The following LNPEP variants were observed in gnomAD, a reference collection of about 807,000 sequenced individuals.
LNPEP encodes the protein leucyl and cystinyl aminopeptidase, also known as leucyl-cystinyl aminopeptidase.
A neutral mutation model predicts 120.6 loss-of-function variants in LNPEP; 64 were observed. The ratio of observed to expected loss-of-function variants is 0.53; its 90% CI spans 0.43 to 0.65. The LOEUF (loss-of-function observed/expected upper bound fraction) is 0.65. Among genes scored for constraint, LNPEP ranks in the 30% least tolerant of loss-of-function variants. The pLI is 0.00. For synonymous variants in LNPEP, 435 were observed against 425.4 expected (o/e 1.02, Z -0.28); for missense variants, 1,057 against 1,200.0 (o/e 0.88, Z 1.76).
At chr5:96,943,152 C>A in intron 1 of LNPEP, 1 of 517,930 alleles carries the variant, frequency 1.9e-6, no homozygotes, top group Non-Finnish European at 2.8e-6. Context: ...ATTATTGAGC[C>A]AGGAGTTGAG....
Position 97,028,689 on chromosome 5 carries a change from T to C in LNPEP, c.*156T>C, listed in dbSNP as rs932863258. ...GCTCAGGGCCTGACTGTATTTTTCA[T>C]CCATCTTTTCTGAAGTGTCTTTGGG... On this transcript the variant is annotated 3_prime_UTR_variant, in exon 18 of 18. Coordinates refer to ENST00000231368, the MANE Select transcript of LNPEP (RefSeq NM_005575.3). 7.4e-6 allele frequency: 5 copies of C among 676,988 alleles called. No individual in the cohort carries two copies. The African/African-American group carries it at 9.0e-5, about 12-fold the overall frequency. The allele number at this position is 676,988 out of a possible 1,614,324, so 41.9% of individuals were successfully genotyped here.
At chr5:96,953,179 A>G (rs1307037460) in intron 1 of LNPEP, among the ~76,000 whole-genome samples, 1 of 152,200 alleles carries the variant, frequency 6.6e-6, no homozygotes, top group Non-Finnish European at 1.5e-5. Flanking sequence ...TGTAATTTCC[A>G]TTTGGCTGGC....
At chr5:97,023,290 G>A (rs1337211141) in intron 14 of LNPEP, among the ~76,000 whole-genome samples, 2 of 151,566 alleles carry the variant, frequency 1.3e-5, no homozygotes, top group African/African-American at 4.9e-5. Context: ...GTCTTGCTCT[G>A]TCACCCAGGC....
At position 97,022,874 on chromosome 5, in the gene LNPEP, G is replaced by A. The variant is rs887816969; in HGVS notation, c.2561+390G>A. 2.1e-5 allele frequency among the ~76,000 whole-genome samples: 3 copies of A among 143,838 alleles called. No homozygotes were observed. The Admixed American group carries it at 2.2e-4, about 11-fold the overall frequency. 94.4% of individuals were successfully genotyped at this position (143,838 alleles called of 152,430 possible). A position where few individuals can be genotyped will look rare whatever the true frequency, so the allele number is the denominator to read the frequency against. On this transcript the variant is annotated intron_variant, in intron 14 of 17. Coordinates refer to ENST00000231368, the MANE Select transcript of LNPEP (RefSeq NM_005575.3). Reference sequence around the variant, plus strand: ...CATTGTTCAATTCCCACCTATGAGTGAGAACATGCGGTGTCAAACAAGACT... The same window carrying A: ...CATTGTTCAATTCCCACCTATGAGTAAGAACATGCGGTGTCAAACAAGACT...
At chr5:96,951,902 C>T (rs535187752) in intron 1 of LNPEP, among the ~76,000 whole-genome samples, 3 of 152,180 alleles carry the variant, frequency 2.0e-5, no homozygotes, top group South Asian at 4.1e-4. Flanking sequence ...ACTAAACTTG[C>T]ATGTTTGGAT....
chr5:96,980,613 C>T (rs1790099642), intron 2 of LNPEP, among the ~76,000 whole-genome samples: 1 of 152,144 alleles, frequency 6.6e-6, no homozygotes, highest in South Asian at 2.1e-4. Context: ...TCTTAGCATT[C>T]ATAGCATGTA....
intron 6 of LNPEP, 38 bp downstream of exon 6, chr5:96,994,009 G>T: frequency 6.3e-7 from 1 of 1,581,628 alleles, no homozygotes. Flanking sequence ...CACACCTGTG[G>T]TCTACTTCAT....
At chr5:97,009,991 A>T (rs1790886640) in intron 11 of LNPEP, among the ~76,000 whole-genome samples, 2 of 152,054 alleles carry the variant, frequency 1.3e-5, no homozygotes, top group South Asian at 4.1e-4. Flanking sequence ...CATGTGTTCT[A>T]ATTCAAGGGT....
intron 1 of LNPEP, among the ~76,000 whole-genome samples, chr5:96,976,005 T>C (rs1472467529): frequency 6.6e-6 from 1 of 152,126 alleles, no homozygotes; most frequent in Admixed American, 6.6e-5. Flanking sequence ...ATTTAAGAGG[T>C]TTTAGAAAAT....
intron 8 of LNPEP, 119 bp downstream of exon 8, chr5:96,998,264 G>A (rs1338850703): frequency 2.5e-6 from 2 of 802,160 alleles, no homozygotes; most frequent in Non-Finnish European, 3.8e-6. Flanking sequence ...GGTATTAATG[G>A]TAAACTATAA....
At chr5:96,971,777 C>T (rs1789869149) in intron 1 of LNPEP, among the ~76,000 whole-genome samples, 1 of 151,784 alleles carries the variant, frequency 6.6e-6, no homozygotes, top group Non-Finnish European at 1.5e-5. Context: ...TTGATTTCCC[C>T]ACGGAGAGTC....
chr5:97,011,011 A>G, intron 11 of LNPEP: 1 of 985,392 alleles, frequency 1.0e-6, no homozygotes, highest in Non-Finnish European at 1.2e-6. Context: ...AATTTCAAGT[A>G]TATTCCCAGC....
chr5:96,975,092 C>T (rs559687054), intron 1 of LNPEP, among the ~76,000 whole-genome samples: 2 of 152,254 alleles, frequency 1.3e-5, no homozygotes, highest in African/African-American at 4.8e-5. Context: ...CAAAATAGCA[C>T]TGTTTCCCAC....
intron 1 of LNPEP, among the ~76,000 whole-genome samples, chr5:96,961,453 T>A (rs1167708268): frequency 6.6e-6 from 1 of 152,162 alleles, no homozygotes; most frequent in South Asian, 2.1e-4. Flanking sequence ...GGACAGAAGC[T>A]AATTGTTTTT....
rs530190908 is a variant in LNPEP at position 97,031,379 on chromosome 5, A to G, written c.*2846A>G. The G allele has an allele frequency of 1.1e-4, 17 of 152,264 alleles. No individual in the cohort carries two copies. The highest frequency in any genetic ancestry group is 4.1e-4 in the African/African-American group (17 of 41,538). 9.4% of individuals were successfully genotyped at this position (152,264 alleles called of 1,614,324 possible). The stretch of plus-strand genomic sequence containing the variant: ...TCTTGTTTTATTTAAGTCTCTTTAA[A>G]TGAAATTTTGTTGTCATTGTTTCAG... On this transcript the variant is annotated 3_prime_UTR_variant, in exon 18 of 18. Coordinates refer to ENST00000231368, the MANE Select transcript of LNPEP (RefSeq NM_005575.3).
intron 8 of LNPEP, among the ~76,000 whole-genome samples, chr5:96,998,638 G>T (rs73139214): frequency 3.3e-4 from 50 of 152,252 alleles, no homozygotes; most frequent in African/African-American, 1.1e-3. Context: ...ACCATAGGTC[G>T]GAGAATAGAA....
At chr5:97,011,090 G>A (rs1434734364) in intron 11 of LNPEP, 1 of 985,284 alleles carries the variant, frequency 1.0e-6, no homozygotes, top group East Asian at 1.1e-4. Context: ...ATCAACCAAG[G>A]TATTCCGTAT....
intron 1 of LNPEP, among the ~76,000 whole-genome samples, chr5:96,973,932 C>T (rs1224119503): frequency 6.6e-6 from 1 of 152,116 alleles, no homozygotes; most frequent in African/African-American, 2.4e-5. Context: ...TGCCGGTAGC[C>T]TCTATGCACT....
intron 2 of LNPEP, among the ~76,000 whole-genome samples, chr5:96,984,606 G>A (rs1415540244): frequency 6.6e-6 from 1 of 152,082 alleles, no homozygotes; most frequent in African/African-American, 2.4e-5. Flanking sequence ...AAAACTCTTG[G>A]TGGGCTTTTG....
Sources: gnomAD v4.1 joint callset for allele counts (sites outside exome capture counted in the v4.1 genomes callset) on GRCh38, gnomAD v4.1.1 for gene constraint, MANE v1.5 for transcripts, NCBI Gene and HGNC (gene_info 2026-07-23, HGNC 2026-07-21) for gene names.